Variants in BACH2 observed in about 807,000 individuals in gnomAD.
The protein encoded by BACH2 is BACH transcriptional regulator 2, also known as transcription regulator protein BACH2.
In BACH2, 5 loss-of-function variants were observed where a neutral mutation model predicts 61.8. The observed-to-expected ratio is 0.08, with a 90% confidence interval of 0.04 to 0.17. The LOEUF is 0.17. Among genes scored for constraint, BACH2 ranks in the 10% least tolerant of loss-of-function variants. BACH2 has a pLI of 1.00. For missense variants in BACH2, 824 were observed against 1,091.1 expected, an observed-to-expected ratio of 0.76 and a Z score of 3.45; for synonymous variants, 446 against 440.1, an observed-to-expected ratio of 1.01 and a Z score of -0.17.
intron 4 of BACH2, among the ~76,000 whole-genome samples, chr6:90,126,867 G>A (rs1236408514): frequency 2.0e-5 from 3 of 152,138 alleles, no homozygotes; most frequent in Non-Finnish European, 4.4e-5. Flanking sequence ...TCTAACAGCC[G>A]AGTGGTCAAA....
At chr6:90,121,337 G>GGGCTCT (rs1362624715) in intron 4 of BACH2, among the ~76,000 whole-genome samples, 1 of 152,102 alleles carries the variant, frequency 6.6e-6, no homozygotes, top group African/African-American at 2.4e-5. Context: ...TTAGCTAAGA[G>GGGCTCT]GGCTCTGACT....
intron 3 of BACH2, among the ~76,000 whole-genome samples, chr6:90,226,351 T>C (rs959769388): frequency 6.6e-6 from 1 of 152,168 alleles, no homozygotes; most frequent in African/African-American, 2.4e-5. Flanking sequence ...ACTGCTCAAC[T>C]CCATTTTGGG....
chr6:90,286,560 C>T (rs533042598), intron 1 of BACH2, among the ~76,000 whole-genome samples: 18 of 152,126 alleles, frequency 1.2e-4, no homozygotes, highest in Non-Finnish European at 2.5e-4. Context: ...GAAAATGATA[C>T]TACAATGATA....
intron 4 of BACH2, among the ~76,000 whole-genome samples, chr6:90,105,267 C>T (rs1268129258): frequency 1.3e-5 from 2 of 152,234 alleles, no homozygotes; most frequent in African/African-American, 2.4e-5. Context: ...AGGTTTCCTT[C>T]ACTTGTTTTG....
chr6:89,930,104 ATC>A lies in BACH2; in HGVS notation c.*2302_*2303del, dbSNP rs770937239. 2 of 141,188 alleles carry A rather than the reference ATC, an allele frequency of 1.4e-5. No individual in the cohort carries two copies. The highest frequency in any genetic ancestry group is 1.5e-5 in the Non-Finnish European group (1 of 66,266). 8.7% of individuals were successfully genotyped at this position (141,188 alleles called of 1,614,324 possible). ...AGCTCCAACACAGAGCTTTATCAAG[ATC>A]TGTTTCAGACACACACACACACACA... On this transcript the variant is annotated 3_prime_UTR_variant, in exon 9 of 9. Transcript: ENST00000257749.
At chr6:89,942,641 C>T (rs1254699039) in intron 7 of BACH2, among the ~76,000 whole-genome samples, 5 of 152,132 alleles carry the variant, frequency 3.3e-5, no homozygotes, top group South Asian at 2.1e-4. Context: ...CACACAGCTC[C>T]GGACACACAG....
chr6:90,084,809 T>C (rs1781863302), intron 5 of BACH2, among the ~76,000 whole-genome samples: 1 of 152,136 alleles, frequency 6.6e-6, no homozygotes, highest in African/African-American at 2.4e-5. Context: ...ACTATATATA[T>C]ACTGGTATCT....
At chr6:89,995,387 G>A (rs1267500022) in intron 6 of BACH2, among the ~76,000 whole-genome samples, 3 of 152,102 alleles carry the variant, frequency 2.0e-5, no homozygotes, top group African/African-American at 7.2e-5. Flanking sequence ...ACGCCAGTGG[G>A]GATGTGTGAC....
At chr6:90,026,339 T>C (rs1778635965) in intron 5 of BACH2, among the ~76,000 whole-genome samples, 1 of 152,182 alleles carries the variant, frequency 6.6e-6, no homozygotes, top group Non-Finnish European at 1.5e-5. Context: ...GTTTCTTAAA[T>C]TAGTTTTGCA....
intron 5 of BACH2, among the ~76,000 whole-genome samples, chr6:90,046,168 G>C (rs4707589): frequency 0.44 from 66,929 of 151,992 alleles, 17,424 homozygotes; most frequent in East Asian, 0.82. Flanking sequence ...CTCTGGATAC[G>C]TTGACATGGA....
At chr6:90,006,555 CTATTT>C (rs1166690471) in intron 6 of BACH2, among the ~76,000 whole-genome samples, 1 of 152,188 alleles carries the variant, frequency 6.6e-6, no homozygotes, top group Non-Finnish European at 1.5e-5. Context: ...ATGGAGCATT[CTATTT>C]TGAGTATGTA....
chr6:90,102,592 C>T (rs1782687059), intron 4 of BACH2, among the ~76,000 whole-genome samples: 1 of 151,814 alleles, frequency 6.6e-6, no homozygotes, highest in Admixed American at 6.6e-5. Flanking sequence ...AGTTCAAGAC[C>T]AGCCTGGCCA....
intron 5 of BACH2, among the ~76,000 whole-genome samples, chr6:90,054,453 T>C (rs1320300022): frequency 1.3e-5 from 2 of 152,026 alleles, no homozygotes; most frequent in Non-Finnish European, 2.9e-5. Context: ...AGTTGTTTGA[T>C]TAGGTAAACA....
intron 3 of BACH2, among the ~76,000 whole-genome samples, chr6:90,216,511 A>G (rs1331233400): frequency 6.6e-6 from 1 of 152,206 alleles, no homozygotes; most frequent in African/African-American, 2.4e-5. Flanking sequence ...AACTCACTGT[A>G]AGGGAGTCCT....
chr6:90,130,178 G>A (rs983247345), intron 4 of BACH2, among the ~76,000 whole-genome samples: 1 of 151,978 alleles, frequency 6.6e-6, no homozygotes, highest in Non-Finnish European at 1.5e-5. Flanking sequence ...GCCAGCTTTT[G>A]GGATTTGTTA....
chr6:89,979,744 T>C (rs1056812653), intron 6 of BACH2, among the ~76,000 whole-genome samples: 4 of 152,256 alleles, frequency 2.6e-5, no homozygotes, highest in Non-Finnish European at 4.4e-5. Flanking sequence ...GTTTGGGAGC[T>C]GACTTAGGAA....
chr6:90,173,586 T>C (rs1767889381), intron 4 of BACH2, among the ~76,000 whole-genome samples: 1 of 152,170 alleles, frequency 6.6e-6, no homozygotes, highest in Admixed American at 6.5e-5. Context: ...GTCTACTTAC[T>C]GTATGATTTC....
At chr6:90,212,788 CATT>C (rs1344958467) in intron 3 of BACH2, among the ~76,000 whole-genome samples, 2 of 152,122 alleles carry the variant, frequency 1.3e-5, no homozygotes, top group Non-Finnish European at 2.9e-5. Context: ...AAGAGAGACA[CATT>C]GTTGGTAACA....
chr6:90,012,244 G>A (rs191597354), intron 5 of BACH2, among the ~76,000 whole-genome samples: 117 of 152,196 alleles, frequency 7.7e-4, no homozygotes, highest in African/African-American at 2.6e-3. Context: ...AGATTGTACT[G>A]AATCTACTGA....
Sources: allele counts gnomAD v4.1 joint callset (sites outside exome capture counted in the v4.1 genomes callset), GRCh38; gene constraint gnomAD v4.1.1; transcripts MANE v1.5; gene names NCBI Gene and HGNC (gene_info 2026-07-23, HGNC 2026-07-21).